KIAA1191: variants seen among roughly 807,000 people sequenced by gnomAD.
KIAA1191 encodes the protein putative monooxygenase p33MONOX.
KIAA1191 carries 22 observed loss-of-function variants against 31.1 expected under a neutral mutation model. That is an observed-to-expected ratio of 0.71 (90% CI 0.51 to 1.01). KIAA1191 has a LOEUF of 1.01. Among genes scored for constraint, KIAA1191 ranks in the 50% least tolerant of loss-of-function variants. The probability of loss-of-function intolerance (pLI) is 0.00; values close to 1 mark genes in which losing one functional copy is unlikely to be tolerated. For missense variants in KIAA1191, 319 were observed against 388.0 expected (o/e 0.82, Z 1.49); for synonymous variants, 130 against 143.9 (o/e 0.90, Z 0.69).
chr5:176,352,602 T>C lies in KIAA1191; in HGVS notation c.334+20A>G. The C allele has an allele frequency of 6.2e-7, 1 of 1,611,776 alleles. No individual in the cohort carries two copies. ...TCCCTGCCCCTATGGCACTCTACTC[T>C]GAGGGTGAAGAGTGCTTACTTGTGA... On this transcript the variant is annotated intron_variant, in intron 5 of 8. Transcript: ENST00000298569.
intron 3 of KIAA1191, among the ~76,000 whole-genome samples, chr5:176,357,676 C>T (rs956444211): frequency 1.3e-5 from 2 of 152,186 alleles, no homozygotes; most frequent in Non-Finnish European, 2.9e-5. Flanking sequence ...TGAATGGGCA[C>T]AATCCTATGG....
intron 3 of KIAA1191, among the ~76,000 whole-genome samples, chr5:176,358,454 A>G (rs371897822): frequency 1.6e-3 from 247 of 152,330 alleles, no homozygotes; most frequent in African/African-American, 5.7e-3. Flanking sequence ...GGTGGCTCAC[A>G]CCTGTAATCC....
intron 3 of KIAA1191, among the ~76,000 whole-genome samples, chr5:176,358,552 T>C (rs1403572258): frequency 5.3e-5 from 8 of 151,288 alleles, no homozygotes; most frequent in Non-Finnish European, 1.0e-4. Context: ...CCTGTCTCTA[T>C]TAAAAATACA....
In KIAA1191 at chr5:176,350,597, G is replaced by A. The variant is rs757170610; in HGVS notation, c.459+16C>T. 32 of 1,608,994 alleles carry A rather than the reference G, an allele frequency of 2.0e-5. No individual in the cohort carries two copies. The highest frequency in any genetic ancestry group is 2.5e-5 in the Non-Finnish European group (30 of 1,178,944). ...ACACTGAAGGTTTTGTTTTTTCAAAGTTCCTAAGAGCTTACGTGGAGTGCT... is the reference window on the plus strand; with the variant it reads ...ACACTGAAGGTTTTGTTTTTTCAAAATTCCTAAGAGCTTACGTGGAGTGCT... On this transcript the variant is annotated intron_variant, in intron 6 of 8. Coordinates refer to ENST00000298569, the MANE Select transcript of KIAA1191 (RefSeq NM_020444.5).
intron 3 of KIAA1191, among the ~76,000 whole-genome samples, chr5:176,358,920 TA>T (rs1161875390): frequency 6.6e-6 from 1 of 151,354 alleles, no homozygotes; most frequent in Non-Finnish European, 1.5e-5. Context: ...TCGTCTCTAC[TA>T]AAAATACAAA....
intron 5 of KIAA1191, 45 bp from the exon 6 acceptor site, chr5:176,350,782 T>A (rs1169093313): frequency 6.2e-7 from 1 of 1,607,746 alleles, no homozygotes; most frequent in Non-Finnish European, 8.5e-7. Context: ...CCCTCTCCCA[T>A]CACAAAATAA....
chr5:176,355,589 C>T lies in KIAA1191; in HGVS notation c.189G>A (p.Lys63=). The change falls in exon 4 of 9, where the codon AAG becomes AAA. Residue 63 remains lysine, a synonymous_variant. Transcript: ENST00000298569. This position sits in a 1 kb window ranked among gnomAD's most constrained non-coding sequence, Gnocchi z 4.2. ...CAGATACCTTGGCGAGGTGCTGATA[C>T]TTGCGCTCTGGAATCACTGGCTTCC... ...VPWKPVIPER[K]YQHLAKVEEG... is the part of the protein sequence containing the mutation. 1 of 1,611,100 alleles carries T rather than the reference C, an allele frequency of 6.2e-7. No homozygotes were observed. Among genetic ancestry groups the T allele is most frequent in the East Asian group, 2.2e-5 (1 of 44,836 alleles).
intron 3 of KIAA1191, 110 bp downstream of exon 3, chr5:176,359,371 T>A: frequency 1.0e-6 from 1 of 957,218 alleles, no homozygotes; most frequent in Non-Finnish European, 1.6e-6. Flanking sequence ...AAATACTCGC[T>A]TGGTAGCAGA....
intron 6 of KIAA1191, among the ~76,000 whole-genome samples, chr5:176,349,442 G>A (rs1011320645): frequency 1.3e-5 from 2 of 152,206 alleles, no homozygotes; most frequent in Non-Finnish European, 2.9e-5. Context: ...CACTTTGGGA[G>A]GCCAAGGCAG....
chr5:176,356,691 A>G (rs1767532669), intron 3 of KIAA1191, among the ~76,000 whole-genome samples: 1 of 152,164 alleles, frequency 6.6e-6, no homozygotes. Flanking sequence ...AGCCAAGTTC[A>G]TTGTGTTTCG....
chr5:176,349,023 C>T (rs1404622919), intron 6 of KIAA1191: 1 of 152,422 alleles, frequency 6.6e-6, no homozygotes, highest in African/African-American at 2.4e-5. Flanking sequence ...GCACACCAAA[C>T]AATGATCACG....
intron 2 of KIAA1191, 34 bp from the exon 3 acceptor site, chr5:176,359,601 G>GCTGCTCACCATA: frequency 1.0e-5 from 10 of 995,222 alleles, no homozygotes; most frequent in Non-Finnish European, 1.6e-5. Context: ...TTCTTATGGT[G>GCTGCTCACCATA]AGCAGCACCA....
rs1045076506 is a variant in KIAA1191 at position 176,348,342 on chromosome 5, C to A, written c.474G>T (p.Gln158His). 7 of 1,613,236 alleles carry A rather than the reference C, an allele frequency of 4.3e-6. No individual in the cohort carries two copies. In the African/African-American group the frequency reaches 9.4e-5, roughly 22 times the overall value. The change falls in exon 7 of 9, where the codon CAG (glutamine) becomes CAT (histidine). Residue 158 changes from glutamine (Q) to histidine (H), a missense_variant. Physicochemically the swap from Gln to His is conservative, Grantham distance 24. Coordinates refer to ENST00000298569, the MANE Select transcript of KIAA1191 (RefSeq NM_020444.5). ...TCTCTTCTTTTGTTACCTCTCCACT[C>A]TGTAACTTTAGTTTCTGCTCAGATG... ...VAEALHKLKLQSGEVTKEERQ... is the reference protein window; with the variant it reads ...VAEALHKLKLHSGEVTKEERQ...
Position 176,346,955 on chromosome 5 carries a change from A to G in KIAA1191, c.*645T>C, listed in dbSNP as rs1182449791. ...ATGGATAGTGGTAAAGGAATAAAGA[A>G]GCCTGGGTTTTGGAACAGTACAAAC... On this transcript the variant is annotated 3_prime_UTR_variant, in exon 9 of 9. Coordinates refer to ENST00000298569, the MANE Select transcript of KIAA1191 (RefSeq NM_020444.5). 1 of 152,236 alleles carries G rather than the reference A, an allele frequency of 6.6e-6. No individual in the cohort carries two copies. 9.4% of individuals were successfully genotyped at this position (152,236 alleles called of 1,614,324 possible). A position where few individuals can be genotyped will look rare whatever the true frequency, so the allele number is the denominator to read the frequency against.
rs765142670 is a variant in KIAA1191, at chr5:176,355,594, G to T, written c.184C>A (p.Arg62Ser). 1.2e-6 allele frequency: 2 copies of T among 1,611,284 alleles called. No homozygotes were observed. Among genetic ancestry groups the T allele is most frequent in the Non-Finnish European group, 1.7e-6 (2 of 1,179,168 alleles). The change falls in exon 4 of 9, where the codon CGC (arginine) becomes AGC (serine). Residue 62 changes from arginine to serine, a missense_variant. Transcript: ENST00000298569. The surrounding 1 kb of genome is among the most constrained non-coding windows in gnomAD (Gnocchi z 4.2). ...SVPWKPVIPE[R>S]KYQHLAKVEE... is the part of the protein sequence containing the mutation. ...ACCTTGGCGAGGTGCTGATACTTGCGCTCTGGAATCACTGGCTTCCAAGGG... is the reference window on the plus strand; with the variant it reads ...ACCTTGGCGAGGTGCTGATACTTGCTCTCTGGAATCACTGGCTTCCAAGGG...
intron 5 of KIAA1191, among the ~76,000 whole-genome samples, chr5:176,350,990 A>G (rs374592969): frequency 1.3e-5 from 2 of 152,268 alleles, no homozygotes; most frequent in African/African-American, 4.8e-5. Flanking sequence ...AAGAACCTTG[A>G]GGACAATACT....
chr5:176,348,504 T>G (rs191373244), intron 6 of KIAA1191, 148 bp from the exon 7 acceptor site: 1 of 613,676 alleles, frequency 1.6e-6, no homozygotes, highest in Admixed American at 3.0e-5. Context: ...TAACAGGTAG[T>G]CCTTTGTTTT....
Position 176,355,671 on chromosome 5 carries a change from G to T in KIAA1191, c.107C>A (p.Thr36Asn), listed in dbSNP as rs1767451788. Residue 36 changes from threonine (T) to asparagine (N), a missense_variant, in exon 4 of 9, where the codon ACC (threonine) becomes AAC (asparagine). Coordinates refer to ENST00000298569, the MANE Select transcript of KIAA1191 (RefSeq NM_020444.5). The surrounding 1 kb of genome is among the most constrained non-coding windows in gnomAD (Gnocchi z 4.2). The stretch of plus-strand genomic sequence containing the variant: ...AGTCATGGGCGCAGGGTCCTCGAGG[G>T]TATCATCATAGCTGACTGCCCGGCG... ...IYRRAVSYDD[T>N]LEDPAPMTPP... The T allele has an allele frequency of 6.2e-7, 1 of 1,613,364 alleles. No individual in the cohort carries two copies. Among genetic ancestry groups the T allele is most frequent in the Non-Finnish European group, 8.5e-7 (1 of 1,180,046 alleles).
rs144539256 is a variant in KIAA1191, at chr5:176,347,796, G to T, written c.722C>A (p.Thr241Asn). 137 of 1,601,470 alleles carry T rather than the reference G, an allele frequency of 8.6e-5. No individual in the cohort carries two copies. The highest frequency in any genetic ancestry group is 1.1e-4 in the Non-Finnish European group (131 of 1,173,826). The change falls in exon 9 of 9, where the codon ACC (threonine) becomes AAC (asparagine). Residue 241 changes from threonine (T) to asparagine (N), a missense_variant. By Grantham distance (65) the Thr-to-Asn change is moderately conservative. Coordinates refer to ENST00000298569, the MANE Select transcript of KIAA1191 (RefSeq NM_020444.5). ...CTTCTGGGCTCCTCGGTAGGCCTGG[G>T]TGGCAAAACTTCCTACAAAAGTGAA... ...LQKYDSGSFA[T>N]QAYRGAQKPS... is the part of the protein sequence containing the mutation.
Sources: gnomAD v4.1 joint callset for allele counts (sites outside exome capture counted in the v4.1 genomes callset) on GRCh38, gnomAD v4.1.1 for gene constraint, Gnocchi (gnomAD v3.1) non-coding constraint, MANE v1.5 for transcripts, NCBI Gene and HGNC (gene_info 2026-07-23, HGNC 2026-07-21) for gene names.